Variants in GRID2IP observed in about 807,000 individuals in gnomAD.
The protein encoded by GRID2IP is delphilin.
In GRID2IP, 78 loss-of-function variants were observed where a neutral mutation model predicts 114.3. The ratio of observed to expected loss-of-function variants is 0.68; its 90% CI spans 0.57 to 0.82. The LOEUF is 0.82. Ranked by LOEUF, GRID2IP falls within the 40% of genes least tolerant of loss-of-function variation. The pLI, the probability that GRID2IP is intolerant of heterozygous loss-of-function variation, is 0.00. For synonymous variants in GRID2IP, 809 were observed against 724.0 expected (o/e 1.12, Z -1.89); for missense variants, 1,727 against 1,678.5 (o/e 1.03, Z -0.51).
At position 6,510,330 on chromosome 7, in the gene GRID2IP, G is replaced by A. The variant is rs1446009008; in HGVS notation, c.1724C>T (p.Ser575Phe). 6.5e-7 allele frequency: 1 copy of A among 1,547,694 alleles called. No homozygotes were observed. The highest frequency in any genetic ancestry group is 1.2e-5 in the South Asian group (1 of 83,134). ...SSFKGKMGTV[S>F]KSRASPPGPS... ...GCCTGGAGGGGAAGCCCGGGATTTG[G>A]ACACGGTCCCCATCTTCCCTTTGAA... The change falls in exon 11 of 22, where the codon TCC becomes TTC. Residue 575 changes from serine to phenylalanine, a missense_variant. Coordinates refer to ENST00000457091, the MANE Select transcript of GRID2IP (RefSeq NM_001145118.2).
rs984971268 is a variant in GRID2IP at position 6,536,725 on chromosome 7, T to A, written c.584+2993A>T. ...TGTCAATCAGCTCCCCAGGAAGCGCTCAGAGCCAGCGCATCATCTCCGCGG... is the reference window on the plus strand; with the variant it reads ...TGTCAATCAGCTCCCCAGGAAGCGCACAGAGCCAGCGCATCATCTCCGCGG... On this transcript the variant is annotated intron_variant, in intron 2 of 21. Transcript: ENST00000457091. The surrounding 1 kb of genome is among the most constrained non-coding windows in gnomAD (Gnocchi z 5.3). 26 of 691,034 alleles carry A rather than the reference T, an allele frequency of 3.8e-5. No individual in the cohort carries two copies. In the African/African-American group the frequency reaches 4.4e-4, roughly 12 times the overall value. The allele number at this position is 691,034 out of a possible 1,614,324, so 42.8% of individuals were successfully genotyped here. A position where few individuals can be genotyped will look rare whatever the true frequency, so the allele number is the denominator to read the frequency against.
At chr7:6,525,858 C>T (rs764877186) in intron 4 of GRID2IP, among the ~76,000 whole-genome samples, 65 of 152,240 alleles carry the variant, frequency 4.3e-4, no homozygotes, top group African/African-American at 1.1e-3. Context: ...GGGTAGGCAG[C>T]AGCTCAGTCC....
Position 6,551,111 on chromosome 7 carries a change from C to G in GRID2IP, c.326G>C (p.Arg109Pro). 7.7e-7 allele frequency: 1 copy of G among 1,297,822 alleles called. No individual in the cohort carries two copies. The allele number at this position is 1,297,822 out of a possible 1,614,324, so 80.4% of individuals were successfully genotyped here. The change falls in exon 1 of 22, where the codon CGC (arginine) becomes CCC (proline). Residue 109 changes from arginine (R) to proline (P), a missense_variant. Coordinates refer to ENST00000457091, the MANE Select transcript of GRID2IP (RefSeq NM_001145118.2). The part of the protein sequence containing the change: ...TTVLRAPRCG[R>P]GLALGRELLR... Reference sequence around the variant, plus strand: ...CAGCTCACGGCCCAGAGCTAGGCCGCGGCCGCACCGCGGGGCCCGCAAGAC... The same window carrying G: ...CAGCTCACGGCCCAGAGCTAGGCCGGGGCCGCACCGCGGGGCCCGCAAGAC...
In GRID2IP at chr7:6,503,550, A is replaced by T. The variant is rs1786479222; in HGVS notation, c.2848T>A (p.Tyr950Asn). The stretch of plus-strand genomic sequence containing the variant: ...CCGGGCGCCTCGCGGAAGGCCTGGT[A>T]GCGCTGCTCCTCGTCGGCGTCGGGC... ...FAPDADEEQR[Y>N]QAFREAPGRL... Residue 950 changes from tyrosine (Y) to asparagine (N), a missense_variant, in exon 16 of 22, where the codon TAC becomes AAC. Coordinates refer to ENST00000457091, the MANE Select transcript of GRID2IP (RefSeq NM_001145118.2). 6.5e-7 allele frequency: 1 copy of T among 1,528,588 alleles called. No individual in the cohort carries two copies. Among genetic ancestry groups the T allele is most frequent in the Non-Finnish European group, 8.7e-7 (1 of 1,144,150 alleles). 94.7% of individuals were successfully genotyped at this position (1,528,588 alleles called of 1,614,324 possible). A position where few individuals can be genotyped will look rare whatever the true frequency, so the allele number is the denominator to read the frequency against.
At chr7:6,503,744 C>T in intron 15 of GRID2IP, 57 bp from the exon 16 acceptor site, 8 of 1,336,334 alleles carry the variant, frequency 6.0e-6, no homozygotes, top group Non-Finnish European at 7.9e-6. Context: ...CGGATGGGAC[C>T]CAAGACGGAG....
At chr7:6,543,994 A>G (rs1779849512) in intron 1 of GRID2IP, among the ~76,000 whole-genome samples, 2 of 151,496 alleles carry the variant, frequency 1.3e-5, no homozygotes, top group Non-Finnish European at 2.9e-5. Flanking sequence ...ATGGGGTTTC[A>G]CCATGTTGGC....
intron 20 of GRID2IP, among the ~76,000 whole-genome samples, chr7:6,499,587 T>C (rs905926729): frequency 6.6e-6 from 1 of 152,096 alleles, no homozygotes; most frequent in East Asian, 1.9e-4. Flanking sequence ...CATGGCACCA[T>C]ACCTGGCTAA....
rs550033043 is a variant in GRID2IP, at chr7:6,534,283, C to A, written c.584+5435G>T. ...CCCTGACCTGACACCCCGTTCCCCC[C>A]ACGCCACCACTCATATTTCCTGAAA... On this transcript the variant is annotated intron_variant, in intron 2 of 21. Coordinates refer to ENST00000457091, the MANE Select transcript of GRID2IP (RefSeq NM_001145118.2). This position sits in a 1 kb window ranked among gnomAD's most constrained non-coding sequence, Gnocchi z 4.5. Among the ~76,000 whole-genome samples the A allele has an allele frequency of 9.2e-5, 14 of 152,310 alleles. No homozygotes were observed. The highest frequency in any genetic ancestry group is 1.9e-4 in the Non-Finnish European group (13 of 68,030).
Position 6,526,628 on chromosome 7 carries a change from G to C in GRID2IP, c.726C>G (p.Leu242=). ...GGGCGCTGGCGCGCGTGGACACCAG[G>C]AGGCGCTCCGGCCGCTCCTCGCTGC... ...RSRSEERPER[L]LVSTRASAPP... Residue 242 remains leucine (L), a synonymous_variant, in exon 3 of 22, where the codon CTC becomes CTG. Coordinates refer to ENST00000457091, the MANE Select transcript of GRID2IP (RefSeq NM_001145118.2). The surrounding 1 kb of genome is among the most constrained non-coding windows in gnomAD (Gnocchi z 7.6). The C allele has an allele frequency of 7.5e-7, 1 of 1,328,498 alleles. No individual in the cohort carries two copies. Among genetic ancestry groups the C allele is most frequent in the Non-Finnish European group, 9.6e-7 (1 of 1,040,572 alleles). The allele number at this position is 1,328,498 out of a possible 1,614,324, so 82.3% of individuals were successfully genotyped here. A position where few individuals can be genotyped will look rare whatever the true frequency, so the allele number is the denominator to read the frequency against.
rs544586615 is a variant in GRID2IP, at chr7:6,519,763, A to G, written c.1268+815T>C. ...CGAGAGTGAAACACCATCTCAAAAA[A>G]CAAAAACAAAAATAAAAAACCCTTC... On this transcript the variant is annotated intron_variant, in intron 7 of 21. Coordinates refer to ENST00000457091, the MANE Select transcript of GRID2IP (RefSeq NM_001145118.2). The surrounding 1 kb of genome is among the most constrained non-coding windows in gnomAD (Gnocchi z 4.1). 6.6e-6 allele frequency among the ~76,000 whole-genome samples: 1 copy of G among 152,282 alleles called. No individual in the cohort carries two copies. Among genetic ancestry groups the G allele is most frequent in the East Asian group, 1.9e-4 (1 of 5,178 alleles).
At position 6,506,963 on chromosome 7, in the gene GRID2IP, G is replaced by T. The variant is rs755595859; in HGVS notation, c.2544+1022C>A. ...CTCCCAAAGTGCTGGGATTACAGGC[G>T]TGAACCACCAAGCCTGGCCTCAATG... is the stretch of plus-strand genomic sequence containing the variant. On this transcript the variant is annotated intron_variant, in intron 13 of 21. Coordinates refer to ENST00000457091, the MANE Select transcript of GRID2IP (RefSeq NM_001145118.2). The surrounding 1 kb of genome is among the most constrained non-coding windows in gnomAD (Gnocchi z 5.2). 6.6e-6 allele frequency among the ~76,000 whole-genome samples: 1 copy of T among 152,084 alleles called. No individual in the cohort carries two copies. The highest frequency in any genetic ancestry group is 1.5e-5 in the Non-Finnish European group (1 of 68,024).
intron 4 of GRID2IP, among the ~76,000 whole-genome samples, chr7:6,524,203 A>G (rs1779463654): frequency 1.3e-5 from 2 of 152,332 alleles, no homozygotes; most frequent in South Asian, 4.1e-4. Flanking sequence ...TATGACAGGA[A>G]AGGCATGGGA....
At chr7:6,502,380 CCTAG>C (rs1786440824) in intron 18 of GRID2IP, among the ~76,000 whole-genome samples, 1 of 152,086 alleles carries the variant, frequency 6.6e-6, no homozygotes, top group Non-Finnish European at 1.5e-5. Context: ...CTGTGACATG[CCTAG>C]CTAATTATTT....
intron 1 of GRID2IP, among the ~76,000 whole-genome samples, chr7:6,546,805 T>C (rs2115102642): frequency 6.6e-6 from 1 of 152,234 alleles, no homozygotes; most frequent in East Asian, 1.9e-4. Flanking sequence ...TGGGCAGGTC[T>C]TCTCTTGCAT....
Position 6,521,399 on chromosome 7 carries a change from A to G in GRID2IP, c.1084+30T>C. 1 of 1,479,440 alleles carries G rather than the reference A, an allele frequency of 6.8e-7. No homozygotes were observed. Among genetic ancestry groups the G allele is most frequent in the Non-Finnish European group, 9.1e-7 (1 of 1,097,084 alleles). The allele number at this position is 1,479,440 out of a possible 1,614,324, so 91.6% of individuals were successfully genotyped here. A position where few individuals can be genotyped will look rare whatever the true frequency, so the allele number is the denominator to read the frequency against. ...AGCCTGGGCAGGGTCTCTGGGGGCC[A>G]AGGAAGCCAAGTGTCCATGGGGGTC... On this transcript the variant is annotated intron_variant, in intron 6 of 21. Coordinates refer to ENST00000457091, the MANE Select transcript of GRID2IP (RefSeq NM_001145118.2). This position sits in a 1 kb window ranked among gnomAD's most constrained non-coding sequence, Gnocchi z 4.1.
Position 6,523,600 on chromosome 7 carries a change from G to A in GRID2IP, c.920-1643C>T, listed in dbSNP as rs1229468781. Reference sequence around the variant, plus strand: ...TTTTCTTTTTTTGAGACAGGGTCTTGCTCTGTCACCCAGGCTGGAGTGCAG... The same window carrying A: ...TTTTCTTTTTTTGAGACAGGGTCTTACTCTGTCACCCAGGCTGGAGTGCAG... On this transcript the variant is annotated intron_variant, in intron 4 of 21. Transcript: ENST00000457091. The surrounding 1 kb of genome is among the most constrained non-coding windows in gnomAD (Gnocchi z 4.5). Among the ~76,000 whole-genome samples, 1 of 151,990 alleles carries A rather than the reference G, an allele frequency of 6.6e-6. No individual in the cohort carries two copies. The highest frequency in any genetic ancestry group is 1.9e-4 in the East Asian group (1 of 5,196).
intron 16 of GRID2IP, 46 bp downstream of exon 16, chr7:6,503,445 C>A: frequency 6.8e-7 from 1 of 1,467,324 alleles, no homozygotes; most frequent in Non-Finnish European, 9.0e-7. Context: ...GCGACAGCCC[C>A]TGTGGAGCCG....
rs1786430501 is a variant in GRID2IP, at chr7:6,502,017, GT to G, written c.3251del (p.Asp1084AlafsTer11). The G allele has an allele frequency of 1.9e-6, 3 of 1,551,234 alleles. No homozygotes were observed. The highest frequency in any genetic ancestry group is 2.6e-6 in the Non-Finnish European group (3 of 1,146,936). ...TGGCAGCCAGGGGCACGGTGGGCAG[GT>G]CCTGAGCAAAGCCCAGGAGTTCAGG... ...HFPELLGFAQ[D>X]LPTVPLAAKV... On this transcript the variant is annotated frameshift_variant, in exon 19 of 22. Transcript: ENST00000457091. LOFTEE classifies it high-confidence loss of function.
rs1786285225 is a variant in GRID2IP, at chr7:6,497,477, C to G, written c.*297G>C. The G allele has an allele frequency of 3.1e-6, 1 of 319,406 alleles. No individual in the cohort carries two copies. Among genetic ancestry groups the G allele is most frequent in the East Asian group, 5.4e-5 (1 of 18,488 alleles). 19.8% of individuals were successfully genotyped at this position (319,406 alleles called of 1,614,324 possible). ...CTTTGTAATCCACCCTCCAGGCCCCCCTGACAGCCTGGGAGCGAAGTGGGA... is the reference window on the plus strand; with the variant it reads ...CTTTGTAATCCACCCTCCAGGCCCCGCTGACAGCCTGGGAGCGAAGTGGGA... On this transcript the variant is annotated 3_prime_UTR_variant, in exon 22 of 22. Coordinates refer to ENST00000457091, the MANE Select transcript of GRID2IP (RefSeq NM_001145118.2).
Sources: allele counts gnomAD v4.1 joint callset (sites outside exome capture counted in the v4.1 genomes callset), GRCh38; gene constraint gnomAD v4.1.1; non-coding constraint Gnocchi (gnomAD v3.1); transcripts MANE v1.5; gene names NCBI Gene and HGNC (gene_info 2026-07-23, HGNC 2026-07-21).